The following BLID variants were observed in gnomAD, a reference collection of about 807,000 sequenced individuals.
BLID encodes BH3-like motif-containing cell death inducer.
For synonymous variants in BLID, 47 were observed against 49.6 expected (o/e 0.95, Z 0.22); for missense variants, 136 against 127.9 (o/e 1.06, Z -0.31).
In BLID at chr11:122,115,803, C is replaced by A; in HGVS notation, c.120G>T (p.Glu40Asp). ...CCTCCAGTGGCAGGCGTGCTTTTGC[C>A]TCTGGATAAATGGAACTGCCAGAGG... ...ERASGSSIYP[E>D]AKARLPLEAL... Residue 40 changes from glutamate to aspartate, a missense_variant, in exon 1 of 1, where the codon GAG becomes GAT. Coordinates refer to ENST00000560104, the MANE Select transcript of BLID (RefSeq NM_001001786.3). 1.9e-6 allele frequency: 3 copies of A among 1,614,142 alleles called. No homozygotes were observed. Among genetic ancestry groups the A allele is most frequent in the Non-Finnish European group, 2.5e-6 (3 of 1,180,002 alleles).
chr11:122,115,790 G>A lies in BLID; in HGVS notation c.133C>T (p.Leu45=). The A allele has an allele frequency of 6.2e-7, 1 of 1,614,142 alleles. No homozygotes were observed. Residue 45 remains leucine, a synonymous_variant, in exon 1 of 1, where the codon CTG becomes TTG. Coordinates refer to ENST00000560104, the MANE Select transcript of BLID (RefSeq NM_001001786.3). ...GAACCCAAGAGCGCCTCCAGTGGCAGGCGTGCTTTTGCCTCTGGATAAATG... is the reference window on the plus strand; with the variant it reads ...GAACCCAAGAGCGCCTCCAGTGGCAAGCGTGCTTTTGCCTCTGGATAAATG... ...SSIYPEAKAR[L]PLEALLGSNK... is the part of the protein sequence containing the mutation.
Position 122,116,030 on chromosome 11 carries a change from G to A in BLID, c.-108C>T. 1 of 751,220 alleles carries A rather than the reference G, an allele frequency of 1.3e-6. No homozygotes were observed. The highest frequency in any genetic ancestry group is 2.7e-5 in the East Asian group (1 of 37,336). The allele number at this position is 751,220 out of a possible 1,614,324, so 46.5% of individuals were successfully genotyped here. A position where few individuals can be genotyped will look rare whatever the true frequency, so the allele number is the denominator to read the frequency against. On this transcript the variant is annotated 5_prime_UTR_variant, in exon 1 of 1. Coordinates refer to ENST00000560104, the MANE Select transcript of BLID (RefSeq NM_001001786.3). ...ATGGACTATGCTTTGCATAAGCACGGTGTTAGATGGGAAGAAAAAAGTGGT... is the reference window on the plus strand; with the variant it reads ...ATGGACTATGCTTTGCATAAGCACGATGTTAGATGGGAAGAAAAAAGTGGT...
chr11:122,115,671 A>G lies in BLID; in HGVS notation c.252T>C (p.His84=), dbSNP rs984324111. 1.2e-6 allele frequency: 2 copies of G among 1,614,010 alleles called. No homozygotes were observed. The highest frequency in any genetic ancestry group is 3.3e-5 in the Admixed American group (2 of 60,000). The change falls in exon 1 of 1, where the codon CAT becomes CAC. Residue 84 remains histidine, a synonymous_variant. Coordinates refer to ENST00000560104, the MANE Select transcript of BLID (RefSeq NM_001001786.3). ...SSAMKRNVPG[H]VLQRPSYLTR... is the part of the protein sequence containing the mutation. ...TTAAATAGGAAGGTCTCTGAAGCAC[A>G]TGTCCAGGAACATTCCGCTTCATGG... is the stretch of plus-strand genomic sequence containing the variant.
At chr11:122,115,752 AG>A in the BLID span, 1 of 1,614,210 alleles carries the variant, frequency 6.2e-7, no homozygotes, top group Non-Finnish European at 8.5e-7. Context: ...TAGGCAACAT[AG>A]GTTCTTTGTT....
rs1941181064 is a variant in BLID, at chr11:122,115,520, C to T, written c.*76G>A. ...TTGGGTCTTATTGAAATCAAGTTTC[C>T]TTCTGTGTTGTGCAGCCTGAATAAT... On this transcript the variant is annotated 3_prime_UTR_variant, in exon 1 of 1. Transcript: ENST00000560104. The T allele has an allele frequency of 2.0e-6, 2 of 1,002,876 alleles. No individual in the cohort carries two copies. The highest frequency in any genetic ancestry group is 1.5e-6 in the Non-Finnish European group (1 of 656,760). 62.1% of individuals were successfully genotyped at this position (1,002,876 alleles called of 1,614,324 possible).
At chr11:122,115,831 CG>C in the BLID span, 6 of 1,613,872 alleles carry the variant, frequency 3.7e-6, no homozygotes, top group Non-Finnish European at 5.1e-6. Context: ...GCCAGAGGCT[CG>C]CTCTATCCAT....
Position 122,116,085 on chromosome 11 carries a change from A to G in BLID, c.-163T>C, listed in dbSNP as rs1208855120. 1 of 586,988 alleles carries G rather than the reference A, an allele frequency of 1.7e-6. No homozygotes were observed. Among genetic ancestry groups the G allele is most frequent in the Non-Finnish European group, 3.0e-6 (1 of 328,086 alleles). 36.4% of individuals were successfully genotyped at this position (586,988 alleles called of 1,614,324 possible). ...TCCTTCCTCCTCTTCCTTTCTTCCC[A>G]GCTCCTGCTATTCATGGAATTTCCC... On this transcript the variant is annotated 5_prime_UTR_variant, in exon 1 of 1. Transcript: ENST00000560104.
In BLID at chr11:122,115,566, T is replaced by A. The variant is rs1941185113; in HGVS notation, c.*30A>T. 1.3e-6 allele frequency: 2 copies of A among 1,506,358 alleles called. No homozygotes were observed. Among genetic ancestry groups the A allele is most frequent in the Admixed American group, 3.4e-5 (2 of 58,858 alleles). The allele number at this position is 1,506,358 out of a possible 1,614,324, so 93.3% of individuals were successfully genotyped here. A position where few individuals can be genotyped will look rare whatever the true frequency, so the allele number is the denominator to read the frequency against. ...ATAATGGGCGAAATCTGTCCTAATA[T>A]CTTGCTGCATCTGTCCTAACTCACT... On this transcript the variant is annotated 3_prime_UTR_variant, in exon 1 of 1. Transcript: ENST00000560104.
In BLID at chr11:122,115,622, A is replaced by C; in HGVS notation, c.301T>G (p.Cys101Gly). 1.2e-6 allele frequency: 2 copies of C among 1,614,004 alleles called. No homozygotes were observed. Among genetic ancestry groups the C allele is most frequent in the Non-Finnish European group, 1.7e-6 (2 of 1,179,848 alleles). ...YLTRIQVTLL[C>G]NSSAEAL ...TACAGGGCCTCAGCAGAGGAATTGCATAACAATGTAACTTGTATCCTGGTT... is the reference window on the plus strand; with the variant it reads ...TACAGGGCCTCAGCAGAGGAATTGCCTAACAATGTAACTTGTATCCTGGTT... Residue 101 changes from cysteine (C) to glycine (G), a missense_variant, in exon 1 of 1, where the codon TGC becomes GGC. Coordinates refer to ENST00000560104, the MANE Select transcript of BLID (RefSeq NM_001001786.3).
Position 122,116,032 on chromosome 11 carries a change from G to A in BLID, c.-110C>T, listed in dbSNP as rs538767440. 29 of 743,950 alleles carry A rather than the reference G, an allele frequency of 3.9e-5. No homozygotes were observed. The African/African-American group carries it at 4.1e-4, about 10-fold the overall frequency. 46.1% of individuals were successfully genotyped at this position (743,950 alleles called of 1,614,324 possible). On this transcript the variant is annotated 5_prime_UTR_variant, in exon 1 of 1. Transcript: ENST00000560104. Reference sequence around the variant, plus strand: ...GGACTATGCTTTGCATAAGCACGGTGTTAGATGGGAAGAAAAAAGTGGTGG... The same window carrying A: ...GGACTATGCTTTGCATAAGCACGGTATTAGATGGGAAGAAAAAAGTGGTGG...
chr11:122,115,872 G>A lies in BLID; in HGVS notation c.51C>T (p.Ile17=). The change falls in exon 1 of 1, where the codon ATC becomes ATT. Residue 17 remains isoleucine, a synonymous_variant. Transcript: ENST00000560104. ...TGTAGAGCACACACTCAGATTCTAGGATCTCAAAGAAATGTATTTCCTGGC... is the reference window on the plus strand; with the variant it reads ...TGTAGAGCACACACTCAGATTCTAGAATCTCAAAGAAATGTATTTCCTGGC... ...IEGQEIHFFE[I]LESECVLYTG... 1 of 1,603,178 alleles carries A rather than the reference G, an allele frequency of 6.2e-7. No homozygotes were observed. Among genetic ancestry groups the A allele is most frequent in the Non-Finnish European group, 8.5e-7 (1 of 1,170,940 alleles).
At position 122,115,582 on chromosome 11, in the gene BLID, C is replaced by T. The variant is rs1397778644; in HGVS notation, c.*14G>A. On this transcript the variant is annotated 3_prime_UTR_variant, in exon 1 of 1. Coordinates refer to ENST00000560104, the MANE Select transcript of BLID (RefSeq NM_001001786.3). The stretch of plus-strand genomic sequence containing the variant: ...GTCCTAATATCTTGCTGCATCTGTC[C>T]TAACTCACTCCTTTTACAGGGCCTC... The T allele has an allele frequency of 1.3e-6, 2 of 1,593,996 alleles. No homozygotes were observed. The highest frequency in any genetic ancestry group is 2.2e-5 in the South Asian group (2 of 90,498).
chr11:122,116,034 T>C lies in BLID; in HGVS notation c.-112A>G. On this transcript the variant is annotated 5_prime_UTR_variant, in exon 1 of 1. Transcript: ENST00000560104. ...ACTATGCTTTGCATAAGCACGGTGT[T>C]AGATGGGAAGAAAAAAGTGGTGGGA... 1 of 731,728 alleles carries C rather than the reference T, an allele frequency of 1.4e-6. No homozygotes were observed. Among genetic ancestry groups the C allele is most frequent in the Non-Finnish European group, 2.2e-6 (1 of 446,472 alleles). The allele number at this position is 731,728 out of a possible 1,614,324, so 45.3% of individuals were successfully genotyped here.
At position 122,116,162 on chromosome 11, in the gene BLID, G is replaced by A. The variant is rs977095594; in HGVS notation, c.-240C>T. The A allele has an allele frequency of 1.9e-6, 1 of 514,030 alleles. No individual in the cohort carries two copies. Among genetic ancestry groups the A allele is most frequent in the Non-Finnish European group, 3.6e-6 (1 of 280,624 alleles). 31.8% of individuals were successfully genotyped at this position (514,030 alleles called of 1,614,324 possible). On this transcript the variant is annotated 5_prime_UTR_variant, in exon 1 of 1. Transcript: ENST00000560104. The stretch of plus-strand genomic sequence containing the variant: ...ATCCTCAACTGAAAACAGCTTCCAA[G>A]GGGTCATGTACTTATTCAATTCTCT...
At position 122,115,368 on chromosome 11, in the gene BLID, T is replaced by C; in HGVS notation, c.*228A>G. 1 of 481,436 alleles carries C rather than the reference T, an allele frequency of 2.1e-6. No homozygotes were observed. Among genetic ancestry groups the C allele is most frequent in the Non-Finnish European group, 3.7e-6 (1 of 271,452 alleles). The allele number at this position is 481,436 out of a possible 1,614,324, so 29.8% of individuals were successfully genotyped here. On this transcript the variant is annotated 3_prime_UTR_variant, in exon 1 of 1. Coordinates refer to ENST00000560104, the MANE Select transcript of BLID (RefSeq NM_001001786.3). ...TTTCATGAATTTGCAAGATTTGTTT[T>C]AATTAAATGCCATTTACTTTTAACT...
chr11:122,115,705 C>A lies in BLID; in HGVS notation c.218G>T (p.Gly73Val). The A allele has an allele frequency of 6.2e-7, 1 of 1,614,114 alleles. No individual in the cohort carries two copies. Among genetic ancestry groups the A allele is most frequent in the Non-Finnish European group, 8.5e-7 (1 of 1,179,976 alleles). ...AACATTCCGCTTCATGGCAGAGGAG[C>A]CAAGATTGTACCTTTTAAGAGAAAG... ...TVLSLKRYNLGSSAMKRNVPG... is the reference protein window; with the variant it reads ...TVLSLKRYNLVSSAMKRNVPG... The change falls in exon 1 of 1, where the codon GGC becomes GTC. Residue 73 changes from glycine to valine, a missense_variant. Transcript: ENST00000560104.
rs1591358759 is a variant in BLID, at chr11:122,116,041, G to A, written c.-119C>T. ...TTTGCATAAGCACGGTGTTAGATGG[G>A]AAGAAAAAAGTGGTGGGATCCTTCC... On this transcript the variant is annotated 5_prime_UTR_variant, in exon 1 of 1. Transcript: ENST00000560104. The A allele has an allele frequency of 1.5e-6, 1 of 676,882 alleles. No homozygotes were observed. Among genetic ancestry groups the A allele is most frequent in the East Asian group, 2.7e-5 (1 of 36,434 alleles). 41.9% of individuals were successfully genotyped at this position (676,882 alleles called of 1,614,324 possible).
rs1941217247 is a variant in BLID at position 122,116,022 on chromosome 11, T to C, written c.-100A>G. On this transcript the variant is annotated 5_prime_UTR_variant, in exon 1 of 1. The change abolishes an upstream ATG in the 5' untranslated region. Transcript: ENST00000560104. ...GATCTCATATGGACTATGCTTTGCATAAGCACGGTGTTAGATGGGAAGAAA... is the reference window on the plus strand; with the variant it reads ...GATCTCATATGGACTATGCTTTGCACAAGCACGGTGTTAGATGGGAAGAAA... 2 of 840,088 alleles carry C rather than the reference T, an allele frequency of 2.4e-6. No individual in the cohort carries two copies. The highest frequency in any genetic ancestry group is 3.7e-6 in the Non-Finnish European group (2 of 534,374). 52.0% of individuals were successfully genotyped at this position (840,088 alleles called of 1,614,324 possible). A position where few individuals can be genotyped will look rare whatever the true frequency, so the allele number is the denominator to read the frequency against.
rs2134502586 is a variant in BLID at position 122,115,894 on chromosome 11, T to C, written c.29A>G (p.Gln10Arg). The C allele has an allele frequency of 3.8e-6, 6 of 1,599,634 alleles. No individual in the cohort carries two copies. The highest frequency in any genetic ancestry group is 5.1e-6 in the Non-Finnish European group (6 of 1,168,230). Reference sequence around the variant, plus strand: ...TAGGATCTCAAAGAAATGTATTTCCTGGCCCTCTATAGGCAACAAAGTCAC... The same window carrying C: ...TAGGATCTCAAAGAAATGTATTTCCCGGCCCTCTATAGGCAACAAAGTCAC... MVTLLPIEGQEIHFFEILES... is the reference protein window; with the variant it reads MVTLLPIEGREIHFFEILES... The change falls in exon 1 of 1, where the codon CAG (glutamine) becomes CGG (arginine). Residue 10 changes from glutamine to arginine, a missense_variant. Physicochemically the swap from Gln to Arg is conservative, Grantham distance 43 (BLOSUM62 1). Transcript: ENST00000560104.
Sources: allele counts gnomAD v4.1 joint callset, GRCh38; gene constraint gnomAD v4.1.1; transcripts MANE v1.5; gene names NCBI Gene and HGNC (gene_info 2026-07-23, HGNC 2026-07-21).